Variants in IFT140 observed in about 807,000 individuals in gnomAD.
IFT140 encodes the protein intraflagellar transport protein 140 homolog.
In IFT140, 133 loss-of-function variants were observed where a neutral mutation model predicts 164.6. The ratio of observed to expected loss-of-function variants is 0.81; its 90% CI spans 0.70 to 0.93. The LOEUF (loss-of-function observed/expected upper bound fraction) is 0.93. Among genes scored for constraint, IFT140 ranks in the 40% least tolerant of loss-of-function variants. The pLI, the probability that IFT140 is intolerant of heterozygous loss-of-function variation, is 0.00. For missense variants in IFT140, 2,045 were observed against 1,972.3 expected (o/e 1.04, Z -0.70); for synonymous variants, 860 against 817.3 (o/e 1.05, Z -0.89).
rs1442709682 is a variant in IFT140 at position 1,535,396 on chromosome 16, G to T, written c.2400-8600C>A. Among the ~76,000 whole-genome samples, 4 of 152,144 alleles carry T rather than the reference G, an allele frequency of 2.6e-5. No homozygotes were observed. The East Asian group carries it at 5.8e-4, about 22-fold the overall frequency. On this transcript the variant is annotated intron_variant, in intron 19 of 30. Transcript: ENST00000426508. The stretch of plus-strand genomic sequence containing the variant: ...AACAGTCACGGCACAGGGACACAAG[G>T]TCTCCCAAAGGCCGACTCTCTGAAA...
intron 19 of IFT140, chr16:1,534,105 C>G (rs750793488): frequency 1.4e-5 from 11 of 772,002 alleles, no homozygotes; most frequent in African/African-American, 3.6e-5. Context: ...AGGATAAGGC[C>G]GGGCCGAGAG....
Position 1,510,461 on chromosome 16 carries a change from G to A in IFT140, c.*483C>T. On this transcript the variant is annotated 3_prime_UTR_variant, in exon 31 of 31. Coordinates refer to ENST00000426508, the MANE Select transcript of IFT140 (RefSeq NM_014714.4). ...ATAAACTGCTTTATTGGAATTACAG[G>A]AGTGTTGGTGGCCGGTGGGCAGAGC... 4.3e-6 allele frequency: 1 copy of A among 231,314 alleles called. No homozygotes were observed. Among genetic ancestry groups the A allele is most frequent in the Non-Finnish European group, 8.6e-6 (1 of 116,220 alleles). 14.3% of individuals were successfully genotyped at this position (231,314 alleles called of 1,614,324 possible).
intron 22 of IFT140, 64 bp from the exon 23 acceptor site, chr16:1,524,980 A>G: frequency 1.5e-6 from 2 of 1,321,956 alleles, no homozygotes; most frequent in Non-Finnish European, 2.0e-6. Flanking sequence ...GACGGCCCCC[A>G]CCCCGCCCCT....
chr16:1,512,784 C>T (rs920037689), intron 30 of IFT140, among the ~76,000 whole-genome samples: 1 of 152,104 alleles, frequency 6.6e-6, no homozygotes, highest in African/African-American at 2.4e-5. Context: ...AGCAAGACCT[C>T]GTCTCAAAAC....
intron 18 of IFT140, among the ~76,000 whole-genome samples, chr16:1,561,117 C>T (rs537204739): frequency 5.9e-5 from 9 of 152,360 alleles, no homozygotes; most frequent in Non-Finnish European, 1.3e-4. Context: ...AATCCCCACA[C>T]GTGACTCGGG....
intron 13 of IFT140, among the ~76,000 whole-genome samples, chr16:1,571,761 C>G (rs1400070973): frequency 6.6e-6 from 1 of 152,226 alleles, no homozygotes; most frequent in African/African-American, 2.4e-5. Context: ...GGACGGGGCC[C>G]TGTCCTCAGG....
chr16:1,596,647 A>G (rs931955476), intron 4 of IFT140, among the ~76,000 whole-genome samples: 6 of 152,212 alleles, frequency 3.9e-5, no homozygotes, highest in African/African-American at 9.6e-5. Context: ...ACTCAGGGGA[A>G]AGGAAATCAC....
At chr16:1,549,373 G>A (rs929152997) in intron 19 of IFT140, among the ~76,000 whole-genome samples, 4 of 152,232 alleles carry the variant, frequency 2.6e-5, no homozygotes, top group African/African-American at 4.8e-5. Context: ...TACCACCAGC[G>A]AGTGAAGCGC....
chr16:1,543,787 G>A (rs1567351082), intron 19 of IFT140, among the ~76,000 whole-genome samples: 1 of 152,140 alleles, frequency 6.6e-6, no homozygotes, highest in Non-Finnish European at 1.5e-5. Context: ...CTGACCCGAG[G>A]GCCATAAAAC....
chr16:1,604,179 T>G (rs1246981371), intron 3 of IFT140, among the ~76,000 whole-genome samples: 1 of 152,164 alleles, frequency 6.6e-6, no homozygotes, highest in African/African-American at 2.4e-5. Flanking sequence ...GACTGAGCCC[T>G]AAGTCTGGCA....
chr16:1,513,898 C>A (rs2040261655), intron 30 of IFT140, among the ~76,000 whole-genome samples: 1 of 145,568 alleles, frequency 6.9e-6, no homozygotes, highest in South Asian at 2.3e-4. Context: ...TGGTCTCCAT[C>A]TCCTGACCTC....
intron 3 of IFT140, among the ~76,000 whole-genome samples, chr16:1,605,672 G>A (rs763659980): frequency 6.6e-5 from 10 of 152,042 alleles, no homozygotes; most frequent in African/African-American, 2.4e-4. Flanking sequence ...CCAAAGTGTT[G>A]GGATTACAGG....
intron 19 of IFT140, among the ~76,000 whole-genome samples, chr16:1,530,035 C>T (rs1469705099): frequency 6.6e-6 from 1 of 152,070 alleles, no homozygotes; most frequent in African/African-American, 2.4e-5. Flanking sequence ...GCACTGGGGC[C>T]TCAGTGCGTG....
chr16:1,609,913 T>C (rs963181416), intron 2 of IFT140: 2 of 152,216 alleles, frequency 1.3e-5, no homozygotes, highest in African/African-American at 4.8e-5. Flanking sequence ...TACATCAACT[T>C]TGGGGAACAG....
At chr16:1,525,638 A>AACTGACACCACCAATGGGACAG (rs1260548601) in intron 21 of IFT140, among the ~76,000 whole-genome samples, 1 of 152,212 alleles carries the variant, frequency 6.6e-6, no homozygotes, top group African/African-American at 2.4e-5. Flanking sequence ...TGTGCTCGGC[A>AACTGACACCACCAATGGGACAG]ACTGACACCA....
rs2040136852 is a variant in IFT140 at position 1,511,208 on chromosome 16, G to C, written c.4183-58C>G. On this transcript the variant is annotated intron_variant, in intron 30 of 30. Transcript: ENST00000426508. ...CCTGAACAACCAGGCACGACCCTCTGCCTGCAGGCCAGGCACGTGCTGCTG... is the reference window on the plus strand; with the variant it reads ...CCTGAACAACCAGGCACGACCCTCTCCCTGCAGGCCAGGCACGTGCTGCTG... 2.7e-6 allele frequency: 4 copies of C among 1,479,976 alleles called. No individual in the cohort carries two copies. In the African/African-American group the frequency reaches 4.1e-5, roughly 15 times the overall value. 91.7% of individuals were successfully genotyped at this position (1,479,976 alleles called of 1,614,324 possible).
At position 1,557,279 on chromosome 16, in the gene IFT140, G is replaced by A. The variant is rs149421564; in HGVS notation, c.2399+656C>T. Among the ~76,000 whole-genome samples the A allele has an allele frequency of 8.5e-5, 13 of 152,268 alleles. No individual in the cohort carries two copies. In the East Asian group the frequency reaches 2.5e-3, roughly 29 times the overall value. On this transcript the variant is annotated intron_variant, in intron 19 of 30. Coordinates refer to ENST00000426508, the MANE Select transcript of IFT140 (RefSeq NM_014714.4). The stretch of plus-strand genomic sequence containing the variant: ...TCTGCACAGCTAGTGTGGAAGGCCC[G>A]GCAGGGGGAATGAAGGATTGGCCAT...
chr16:1,541,465 G>A (rs541431537), intron 19 of IFT140: 172 of 985,392 alleles, frequency 1.7e-4, no homozygotes, highest in Non-Finnish European at 1.8e-4. Flanking sequence ...CAGCACGCCT[G>A]AGGAGCTGGC....
chr16:1,563,384 CG>C, intron 17 of IFT140, among the ~76,000 whole-genome samples: 1 of 150,386 alleles, frequency 6.6e-6, no homozygotes, highest in African/African-American at 2.4e-5. Flanking sequence ...GCCTGGGAGG[CG>C]GAGGTTGCAG....
Sources: gnomAD v4.1 joint callset for allele counts (sites outside exome capture counted in the v4.1 genomes callset) on GRCh38, gnomAD v4.1.1 for gene constraint, MANE v1.5 for transcripts, NCBI Gene and HGNC (gene_info 2026-07-23, HGNC 2026-07-21) for gene names.